EVI5: variants seen among roughly 807,000 people sequenced by gnomAD.
The protein encoded by EVI5 is ecotropic viral integration site 5 protein homolog.
A neutral mutation model predicts 112.0 loss-of-function variants in EVI5; 73 were observed. The observed-to-expected ratio is 0.65, with a 90% confidence interval of 0.54 to 0.79. The LOEUF (loss-of-function observed/expected upper bound fraction) is 0.79, where lower values mean the gene tolerates loss of function less well. EVI5 is among the 30% of genes least tolerant of loss of function. The pLI is 0.00. For missense variants in EVI5, 900 were observed against 968.8 expected (o/e 0.93, Z 0.94); for synonymous variants, 305 against 319.9 (o/e 0.95, Z 0.50).
intron 18 of EVI5, among the ~76,000 whole-genome samples, chr1:92,589,964 C>T (rs1018246046): frequency 9.2e-5 from 14 of 152,266 alleles, no homozygotes; most frequent in East Asian, 1.9e-4. Context: ...CACCAATATC[C>T]GCTGTTCTGC....
chr1:92,624,689 CAAAAAAAAAAAAAAA>C (rs141559165), intron 15 of EVI5, among the ~76,000 whole-genome samples: 19 of 51,760 alleles, frequency 3.7e-4, no homozygotes, highest in East Asian at 5.8e-4. Flanking sequence ...GTCTCTACTT[CAAAAAAAAAAAAAAA>C]AAAAAAAAAA....
intron 11 of EVI5, among the ~76,000 whole-genome samples, chr1:92,663,911 C>T (rs1296732691): frequency 1.3e-5 from 2 of 152,104 alleles, no homozygotes; most frequent in African/African-American, 4.8e-5. Context: ...CCACATGTAG[C>T]TAGTTTTAAA....
At chr1:92,704,415 G>T in intron 3 of EVI5, 140 bp downstream of exon 3, 1 of 462,882 alleles carries the variant, frequency 2.2e-6, no homozygotes. Context: ...AGGGGTACAA[G>T]TAAGTGAAAA....
At chr1:92,667,865 T>G (rs1054055566) in intron 10 of EVI5, among the ~76,000 whole-genome samples, 3 of 152,172 alleles carry the variant, frequency 2.0e-5, no homozygotes, top group African/African-American at 7.2e-5. Flanking sequence ...TCCGCCCGCC[T>G]CAGCCTCCCA....
At chr1:92,522,349 A>G (rs1026832964) in intron 19 of EVI5, among the ~76,000 whole-genome samples, 7 of 152,148 alleles carry the variant, frequency 4.6e-5, no homozygotes, top group Non-Finnish European at 1.0e-4. Flanking sequence ...CTAAGAATTT[A>G]TACCTTTGCC....
At chr1:92,528,254 T>C (rs1323972350) in intron 19 of EVI5, among the ~76,000 whole-genome samples, 2 of 152,216 alleles carry the variant, frequency 1.3e-5, no homozygotes, top group African/African-American at 4.8e-5. Context: ...TGTAAACTGG[T>C]ATAAGCACTT....
intron 1 of EVI5, among the ~76,000 whole-genome samples, chr1:92,748,425 A>G (rs189381271): frequency 1.3e-4 from 20 of 152,300 alleles, no homozygotes; most frequent in Admixed American, 3.9e-4. Context: ...CTGAGACCAA[A>G]GACGTGAAGC....
At chr1:92,541,490 C>A (rs1176157514) in intron 19 of EVI5, among the ~76,000 whole-genome samples, 1 of 152,108 alleles carries the variant, frequency 6.6e-6, no homozygotes, top group African/African-American at 2.4e-5. Flanking sequence ...GTGGATAAAT[C>A]AAAACACTCA....
intron 10 of EVI5, among the ~76,000 whole-genome samples, chr1:92,674,662 G>A (rs898882968): frequency 4.2e-4 from 64 of 150,640 alleles, no homozygotes; most frequent in African/African-American, 1.5e-3. Flanking sequence ...TTCTGCACAT[G>A]TATCCCAGAA....
chr1:92,594,923 C>G (rs940123789), intron 18 of EVI5, among the ~76,000 whole-genome samples: 24 of 152,170 alleles, frequency 1.6e-4, no homozygotes, highest in African/African-American at 5.1e-4. Context: ...AACAACAGGT[C>G]CTGGAGAGGA....
Position 92,552,122 on chromosome 1 carries a change from G to GA in EVI5, c.2166+11519dup, listed in dbSNP as rs143454054. On this transcript the variant is annotated intron_variant, in intron 19 of 19. Transcript: ENST00000684568. Reference sequence around the variant, plus strand: ...GTTCGAGGACTAATGGGGCTGTAGGGAAAAAAAAAAAAAAAAAAAAAGACA... The same window carrying GA: ...GTTCGAGGACTAATGGGGCTGTAGGGAAAAAAAAAAAAAAAAAAAAAAGACA... Among the ~76,000 whole-genome samples, 346 of 123,114 alleles carry GA rather than the reference G, an allele frequency of 2.8e-3. 2 individuals are homozygous for GA. Among genetic ancestry groups the GA allele is most frequent in the Middle Eastern group, 0.013 (3 of 228 alleles). The allele number at this position is 123,114 out of a possible 152,430, so 80.8% of individuals were successfully genotyped here. A position where few individuals can be genotyped will look rare whatever the true frequency, so the allele number is the denominator to read the frequency against.
At position 92,569,847 on chromosome 1, in the gene EVI5, C is replaced by T. The variant is rs529977484; in HGVS notation, c.2071-6110G>A. On this transcript the variant is annotated intron_variant, in intron 18 of 19. Transcript: ENST00000684568. ...CCAGCCTGGCGATGGAGGGAGACTCCATCTCAAAAAAAAAAAAAAAAAAAA... is the reference window on the plus strand; with the variant it reads ...CCAGCCTGGCGATGGAGGGAGACTCTATCTCAAAAAAAAAAAAAAAAAAAA... Among the ~76,000 whole-genome samples the T allele has an allele frequency of 4.7e-5, 4 of 85,562 alleles. No homozygotes were observed. The South Asian group carries it at 1.9e-3, about 40-fold the overall frequency. 56.1% of individuals were successfully genotyped at this position (85,562 alleles called of 152,430 possible). A position where few individuals can be genotyped will look rare whatever the true frequency, so the allele number is the denominator to read the frequency against.
At chr1:92,791,853 G>A (rs1686125248) in intron 1 of EVI5, among the ~76,000 whole-genome samples, 1 of 152,118 alleles carries the variant, frequency 6.6e-6, no homozygotes, top group African/African-American at 2.4e-5. Context: ...AACACGACGG[G>A]AGGCAACACT....
intron 10 of EVI5, among the ~76,000 whole-genome samples, chr1:92,671,586 C>G (rs929990145): frequency 3.3e-5 from 5 of 152,064 alleles, no homozygotes; most frequent in African/African-American, 4.8e-5. Flanking sequence ...GCATCTCATT[C>G]CCAAGATACC....
intron 18 of EVI5, among the ~76,000 whole-genome samples, chr1:92,590,820 T>C (rs1673714950): frequency 1.3e-5 from 2 of 151,970 alleles, no homozygotes; most frequent in Admixed American, 6.6e-5. Flanking sequence ...GTCAGATTCA[T>C]CAAAGTTGAA....
chr1:92,584,533 G>T (rs1672480328), intron 18 of EVI5, among the ~76,000 whole-genome samples: 1 of 152,102 alleles, frequency 6.6e-6, no homozygotes, highest in Non-Finnish European at 1.5e-5. Flanking sequence ...CAACCACTAG[G>T]CTTTAGTAGG....
intron 2 of EVI5, among the ~76,000 whole-genome samples, chr1:92,709,018 A>T (rs1299189578): frequency 6.6e-6 from 1 of 152,212 alleles, no homozygotes; most frequent in Non-Finnish European, 1.5e-5. Flanking sequence ...AAAAATTCTA[A>T]AATTGATTGT....
chr1:92,643,786 T>A (rs1010659746), intron 13 of EVI5, among the ~76,000 whole-genome samples: 3 of 152,244 alleles, frequency 2.0e-5, no homozygotes, highest in Non-Finnish European at 4.4e-5. Flanking sequence ...AACATAACTA[T>A]ATAGCATATC....
intron 16 of EVI5, among the ~76,000 whole-genome samples, chr1:92,621,950 G>A (rs1055713577): frequency 2.0e-5 from 3 of 151,670 alleles, no homozygotes; most frequent in East Asian, 1.9e-4. Flanking sequence ...GTGAAACCCC[G>A]TCTCTACCAA....
Sources: allele counts gnomAD v4.1 joint callset (sites outside exome capture counted in the v4.1 genomes callset), GRCh38; gene constraint gnomAD v4.1.1; transcripts MANE v1.5; gene names NCBI Gene and HGNC (gene_info 2026-07-23, HGNC 2026-07-21).